The following VPS13A variants were observed in gnomAD, a reference collection of about 807,000 sequenced individuals.
VPS13A encodes the protein intermembrane lipid transfer protein VPS13A.
A neutral mutation model predicts 390.9 loss-of-function variants in VPS13A; 264 were observed. The ratio of observed to expected loss-of-function variants is 0.68; its 90% CI spans 0.61 to 0.75. The LOEUF is 0.75. Among genes scored for constraint, VPS13A ranks in the 30% least tolerant of loss-of-function variants. The pLI is 0.00. For missense variants in VPS13A, 3,409 were observed against 3,733.9 expected, an observed-to-expected ratio of 0.91 and a Z score of 2.27; for synonymous variants, 1,231 against 1,227.1, an observed-to-expected ratio of 1.00 and a Z score of -0.07.
At chr9:77,332,841 A>G (rs73449918) in intron 46 of VPS13A, among the ~76,000 whole-genome samples, 2,168 of 152,306 alleles carry the variant, frequency 0.014, 51 homozygotes, top group African/African-American at 0.049. Flanking sequence ...ACTTACCTCA[A>G]TGCTACAGAA....
intron 45 of VPS13A, among the ~76,000 whole-genome samples, chr9:77,326,976 A>C (rs953765234): frequency 1.3e-5 from 2 of 152,144 alleles, no homozygotes; most frequent in Non-Finnish European, 2.9e-5. Context: ...CCTCAAGTAC[A>C]ACATGCTGTG....
intron 55 of VPS13A, 43 bp from the exon 56 acceptor site, chr9:77,357,649 A>T: frequency 2.5e-6 from 4 of 1,594,476 alleles, no homozygotes; most frequent in Non-Finnish European, 3.4e-6. Flanking sequence ...CTAGTCATTT[A>T]TAGATAAATT....
At chr9:77,348,938 A>C (rs537993705) in intron 52 of VPS13A, among the ~76,000 whole-genome samples, 2 of 152,326 alleles carry the variant, frequency 1.3e-5, no homozygotes, top group East Asian at 3.9e-4. Flanking sequence ...TTTTAAACCA[A>C]ATTTATTTGA....
chr9:77,216,427 G>A (rs918464475), intron 10 of VPS13A, among the ~76,000 whole-genome samples: 6 of 152,128 alleles, frequency 3.9e-5, no homozygotes, highest in Admixed American at 3.3e-4. Context: ...ACAAATTGAC[G>A]ATGCAGGAGA....
chr9:77,366,606 C>A, intron 60 of VPS13A, 121 bp from the exon 61 acceptor site: 1 of 830,740 alleles, frequency 1.2e-6, no homozygotes, highest in Non-Finnish European at 1.9e-6. Flanking sequence ...TTAACATAAT[C>A]CAGATAACTT....
In VPS13A at chr9:77,316,363, C is replaced by A. The variant is rs926623318; in HGVS notation, c.4820C>A (p.Ala1607Asp). 1 of 1,612,966 alleles carries A rather than the reference C, an allele frequency of 6.2e-7. No homozygotes were observed. Among genetic ancestry groups the A allele is most frequent in the Admixed American group, 1.7e-5 (1 of 59,962 alleles). ...TAAIKDLQVR[A>D]CPFLPVKRKG... Reference sequence around the variant, plus strand: ...GCCATTAAAGATCTCCAAGTGAGAGCCTGCCCGTTTCTTCCAGTCAAGAGA... The same window carrying A: ...GCCATTAAAGATCTCCAAGTGAGAGACTGCCCGTTTCTTCCAGTCAAGAGA... Residue 1607 changes from alanine (A) to aspartate (D), a missense_variant, in exon 39 of 72, where the codon GCC (alanine) becomes GAC (aspartate). This residue lies in a region of VPS13A where 2,717 missense variants were observed against 2,917.4 expected (regional missense o/e 0.93). Transcript: ENST00000360280.
chr9:77,204,023 CTA>C (rs1218836069), intron 3 of VPS13A, among the ~76,000 whole-genome samples: 1 of 151,932 alleles, frequency 6.6e-6, no homozygotes, highest in Non-Finnish European at 1.5e-5. Flanking sequence ...GACTGTGACT[CTA>C]CAAAAAATAT....
intron 5 of VPS13A, among the ~76,000 whole-genome samples, chr9:77,207,240 T>TAC (rs2131131760): frequency 8.7e-6 from 1 of 114,522 alleles, no homozygotes; most frequent in South Asian, 2.7e-4. Flanking sequence ...TATATATATA[T>TAC]ATATATATAT....
At chr9:77,218,166 T>C (rs1364620989) in intron 10 of VPS13A, among the ~76,000 whole-genome samples, 1 of 144,092 alleles carries the variant, frequency 6.9e-6, no homozygotes, top group Non-Finnish European at 1.5e-5. Context: ...CGGGCTGGAG[T>C]GCAGTGGCGC....
intron 19 of VPS13A, among the ~76,000 whole-genome samples, chr9:77,244,795 G>C (rs1386179128): frequency 6.6e-6 from 1 of 151,938 alleles, no homozygotes; most frequent in Non-Finnish European, 1.5e-5. Flanking sequence ...CAGCCCAAAT[G>C]CTGTGAAAGA....
At chr9:77,370,385 A>T in intron 64 of VPS13A, 30 bp from the exon 65 acceptor site, 1 of 1,614,140 alleles carries the variant, frequency 6.2e-7, no homozygotes, top group Non-Finnish European at 8.5e-7. Context: ...TAATGGCATC[A>T]TTACTTTTAC....
intron 68 of VPS13A, among the ~76,000 whole-genome samples, chr9:77,387,741 G>A (rs1833748805): frequency 1.3e-5 from 2 of 152,234 alleles, no homozygotes; most frequent in Non-Finnish European, 1.5e-5. Context: ...AAAATAATCA[G>A]TATTTTATAA....
chr9:77,380,557 G>A (rs1413210444), intron 67 of VPS13A, among the ~76,000 whole-genome samples: 5 of 151,922 alleles, frequency 3.3e-5, no homozygotes, highest in African/African-American at 4.8e-5. Flanking sequence ...TGATCCGCCC[G>A]CCTCGGGCTC....
At chr9:77,253,150 T>C (rs936588369) in intron 22 of VPS13A, among the ~76,000 whole-genome samples, 16 of 152,210 alleles carry the variant, frequency 1.1e-4, no homozygotes, top group Admixed American at 6.5e-5. Flanking sequence ...TTTTCTGTTT[T>C]TTTATTTTAA....
intron 22 of VPS13A, among the ~76,000 whole-genome samples, chr9:77,257,519 G>A (rs995138232): frequency 5.3e-5 from 8 of 152,114 alleles, no homozygotes; most frequent in African/African-American, 1.2e-4. Context: ...TTGAGAGGCC[G>A]AGGTGGTAGG....
At chr9:77,298,221 G>A (rs1330918736) in intron 33 of VPS13A, among the ~76,000 whole-genome samples, 1 of 152,164 alleles carries the variant, frequency 6.6e-6, no homozygotes, top group East Asian at 1.9e-4. Context: ...AGAAGGCAGT[G>A]GAATATATGT....
At chr9:77,246,092 A>G (rs1331230661) in intron 19 of VPS13A, among the ~76,000 whole-genome samples, 2 of 152,200 alleles carry the variant, frequency 1.3e-5, no homozygotes, top group East Asian at 3.9e-4. Context: ...GACAGGTCTT[A>G]TTAGGGTCCC....
chr9:77,363,725 A>G (rs1042816569), intron 59 of VPS13A, among the ~76,000 whole-genome samples: 2 of 152,182 alleles, frequency 1.3e-5, no homozygotes, highest in African/African-American at 4.8e-5. Context: ...CTGTAAATCA[A>G]TGACTTTCCT....
chr9:77,367,202 A>G (rs184479513), intron 61 of VPS13A, among the ~76,000 whole-genome samples: 1 of 152,334 alleles, frequency 6.6e-6, no homozygotes, highest in Admixed American at 6.5e-5. Context: ...ATTTGAAGCT[A>G]ATAGGAATAA....
Sources: allele counts gnomAD v4.1 joint callset (sites outside exome capture counted in the v4.1 genomes callset), GRCh38; gene constraint gnomAD v4.1.1; regional missense constraint gnomAD v4.1.1; transcripts MANE v1.5; gene names NCBI Gene and HGNC (gene_info 2026-07-23, HGNC 2026-07-21).